The following ANK3 variants were observed in gnomAD, a reference collection of about 807,000 sequenced individuals.
ANK3 encodes ankyrin-3.
A neutral mutation model predicts 370.9 loss-of-function variants in ANK3; 57 were observed. That is an observed-to-expected ratio of 0.15 (90% CI 0.12 to 0.19). The LOEUF (loss-of-function observed/expected upper bound fraction) is 0.19. Among genes scored for constraint, ANK3 ranks in the 10% least tolerant of loss-of-function variants. ANK3 has a pLI of 1.00. For missense variants in ANK3, 4,439 were observed against 5,302.1 expected (o/e 0.84, Z 5.06); for synonymous variants, 1,929 against 1,946.3 (o/e 0.99, Z 0.23).
At chr10:60,436,165 C>T (rs1178542770) in intron 2 of ANK3, among the ~76,000 whole-genome samples, 2 of 152,090 alleles carry the variant, frequency 1.3e-5, no homozygotes, top group Non-Finnish European at 2.9e-5. Context: ...GTCCTTTTAA[C>T]AGCTGAATAA....
chr10:60,353,165 T>TA (rs2057191446), intron 1 of ANK3, among the ~76,000 whole-genome samples: 1 of 150,386 alleles, frequency 6.6e-6, no homozygotes, highest in Non-Finnish European at 1.5e-5. Flanking sequence ...TTTGTTTTTT[T>TA]TTTTTTTTTT....
At chr10:60,429,714 A>G (rs1222574343) in intron 2 of ANK3, among the ~76,000 whole-genome samples, 1 of 152,194 alleles carries the variant, frequency 6.6e-6, no homozygotes, top group Admixed American at 6.5e-5. Flanking sequence ...CTTCCTCTAT[A>G]AAAATGGACA....
At chr10:60,252,162 C>G (rs2132609141) in intron 7 of ANK3, among the ~76,000 whole-genome samples, 1 of 152,328 alleles carries the variant, frequency 6.6e-6, no homozygotes, top group African/African-American at 2.4e-5. Context: ...TCTATGAACC[C>G]TAACCTCTAC....
intron 2 of ANK3, among the ~76,000 whole-genome samples, chr10:60,512,086 T>A (rs577479022): frequency 6.6e-6 from 1 of 152,156 alleles, no homozygotes; most frequent in East Asian, 1.9e-4. Context: ...TTCCAGGAAC[T>A]TTCGTCTTTT....
intron 8 of ANK3, among the ~76,000 whole-genome samples, chr10:60,218,116 T>G (rs1475418179): frequency 7.3e-5 from 10 of 137,398 alleles, no homozygotes; most frequent in Admixed American, 6.5e-4. Context: ...TTTTTTTTTT[T>G]TGCTTTCCAT....
chr10:60,648,990 G>T (rs1417715393), intron 1 of ANK3, among the ~76,000 whole-genome samples: 1 of 152,008 alleles, frequency 6.6e-6, no homozygotes, highest in African/African-American at 2.4e-5. Context: ...ACAAAGCTGT[G>T]CTCCCACGAC....
chr10:60,262,484 CTCTT>C (rs2097822170), intron 6 of ANK3, among the ~76,000 whole-genome samples: 1 of 152,182 alleles, frequency 6.6e-6, no homozygotes, highest in South Asian at 2.1e-4. Flanking sequence ...ACAAGTTAAT[CTCTT>C]TGTTAGCCAA....
intron 1 of ANK3, among the ~76,000 whole-genome samples, chr10:60,335,342 T>TAA (rs539823805): frequency 6.7e-6 from 1 of 148,294 alleles, no homozygotes; most frequent in Non-Finnish European, 1.5e-5. Flanking sequence ...TGTGGGACAT[T>TAA]AAAAAAAAAA....
intron 1 of ANK3, among the ~76,000 whole-genome samples, chr10:60,724,782 A>T (rs2079917465): frequency 6.6e-6 from 1 of 152,226 alleles, no homozygotes; most frequent in South Asian, 2.1e-4. Context: ...ATTTTATTTC[A>T]CTTGGAACAT....
intron 2 of ANK3, among the ~76,000 whole-genome samples, chr10:60,454,163 G>C (rs1310212317): frequency 6.6e-6 from 1 of 152,198 alleles, no homozygotes; most frequent in African/African-American, 2.4e-5. Context: ...AATTATAAGA[G>C]TTGGATTATA....
At chr10:60,492,706 C>CAAAAAAAAAAAAAAAAAAAAAAAAAA (rs764367710) in intron 2 of ANK3, among the ~76,000 whole-genome samples, 2 of 57,502 alleles carry the variant, frequency 3.5e-5, no homozygotes, top group African/African-American at 7.4e-5. Context: ...GACTCTGTCT[C>CAAAAAAAAAAAAAAAAAAAAAAAAAA]AAAAAAAAAA....
At chr10:60,382,813 A>C (rs1378473490) in intron 1 of ANK3, among the ~76,000 whole-genome samples, 1 of 148,500 alleles carries the variant, frequency 6.7e-6, no homozygotes, top group Non-Finnish European at 1.5e-5. Flanking sequence ...ATATATATAT[A>C]TATATATATA....
At chr10:60,397,166 T>C (rs1411754049) in intron 2 of ANK3, among the ~76,000 whole-genome samples, 1 of 151,360 alleles carries the variant, frequency 6.6e-6, no homozygotes, top group East Asian at 1.9e-4. Flanking sequence ...AAGCATTTAA[T>C]TCGTTGATTT....
intron 8 of ANK3, among the ~76,000 whole-genome samples, chr10:60,228,532 CAA>C (rs72450397): frequency 1.1e-3 from 106 of 94,856 alleles, no homozygotes; most frequent in African/African-American, 3.3e-3. Context: ...ACTGTGTCTC[CAA>C]AAAAAAAAAA....
intron 2 of ANK3, among the ~76,000 whole-genome samples, chr10:60,451,318 C>A (rs886664966): frequency 2.6e-5 from 4 of 152,186 alleles, no homozygotes; most frequent in Admixed American, 6.5e-5. Flanking sequence ...CTTGCTATGG[C>A]AACCCTTGGA....
At chr10:60,228,436 G>T (rs2097195751) in intron 8 of ANK3, among the ~76,000 whole-genome samples, 1 of 150,688 alleles carries the variant, frequency 6.6e-6, no homozygotes, top group African/African-American at 2.4e-5. Flanking sequence ...CAGGAGACAG[G>T]TACGAGACTC....
At chr10:60,169,208 T>C (rs2095706985) in intron 21 of ANK3, among the ~76,000 whole-genome samples, 1 of 152,090 alleles carries the variant, frequency 6.6e-6, no homozygotes, top group African/African-American at 2.4e-5. Context: ...CCAGCATCCG[T>C]TGTTTTTTGA....
chr10:60,451,314 A>C (rs1219735430), intron 2 of ANK3, among the ~76,000 whole-genome samples: 1 of 152,226 alleles, frequency 6.6e-6, no homozygotes, highest in African/African-American at 2.4e-5. Context: ...GTCACTTGCT[A>C]TGGCAACCCT....
intron 3 of ANK3, 63 bp from the exon 4 acceptor site, chr10:60,278,935 A>G: frequency 1.3e-6 from 2 of 1,570,322 alleles, no homozygotes; most frequent in Non-Finnish European, 1.8e-6. Context: ...GTTCTCCCCA[A>G]AGAGAACAAA....
Sources: gnomAD v4.1 joint callset for allele counts (sites outside exome capture counted in the v4.1 genomes callset) on GRCh38, gnomAD v4.1.1 for gene constraint, MANE v1.5 for transcripts, NCBI Gene and HGNC (gene_info 2026-07-23, HGNC 2026-07-21) for gene names.